Variants in FAM83G observed in about 807,000 individuals in gnomAD.
FAM83G encodes the protein protein FAM83G.
Under a neutral mutation model 61.5 loss-of-function variants are expected in FAM83G, and 38 were observed. The ratio of observed to expected loss-of-function variants is 0.62; its 90% CI spans 0.48 to 0.81. FAM83G has a LOEUF of 0.81. Among genes scored for constraint, FAM83G ranks in the 30% least tolerant of loss-of-function variants. The probability of loss-of-function intolerance (pLI) is 0.00; values close to 1 mark genes in which losing one functional copy is unlikely to be tolerated. For missense variants in FAM83G, 989 were observed against 1,133.6 expected, an observed-to-expected ratio of 0.87 and a Z score of 1.83; for synonymous variants, 470 against 476.1, an observed-to-expected ratio of 0.99 and a Z score of 0.17.
At chr17:18,993,433 AAG>A (rs1169566400) in intron 2 of FAM83G, among the ~76,000 whole-genome samples, 1 of 152,184 alleles carries the variant, frequency 6.6e-6, no homozygotes. Flanking sequence ...AGACTCGGGT[AAG>A]AGGGGACAGT....
intron 5 of FAM83G, among the ~76,000 whole-genome samples, chr17:18,974,915 C>T (rs2042942690): frequency 6.6e-6 from 1 of 152,070 alleles, no homozygotes; most frequent in African/African-American, 2.4e-5. Context: ...GAGTTGGGGG[C>T]CCAGCCTTGC....
intron 3 of FAM83G, chr17:18,986,196 T>C (rs2152127697): frequency 6.6e-6 from 1 of 152,332 alleles, no homozygotes; most frequent in Middle Eastern, 3.4e-3. Context: ...CCCCTGCCCA[T>C]AGTGGGATGG....
chr17:18,984,139 G>A (rs553003774), intron 3 of FAM83G, among the ~76,000 whole-genome samples: 14 of 152,052 alleles, frequency 9.2e-5, no homozygotes, highest in South Asian at 2.1e-4. Flanking sequence ...TCAGCAGATC[G>A]AGACCATCCT....
At chr17:18,983,282 A>C (rs2043184538) in intron 3 of FAM83G, among the ~76,000 whole-genome samples, 1 of 152,200 alleles carries the variant, frequency 6.6e-6, no homozygotes. Context: ...CCCGTGAGGC[A>C]TCACTATGGC....
At chr17:18,988,852 T>C (rs370790537) in intron 2 of FAM83G, among the ~76,000 whole-genome samples, 47 of 152,332 alleles carry the variant, frequency 3.1e-4, no homozygotes, top group African/African-American at 1.1e-3. Flanking sequence ...TCTGTCCCCA[T>C]AGCAGGTGAC....
At chr17:18,983,403 A>G (rs932334311) in intron 3 of FAM83G, among the ~76,000 whole-genome samples, 1 of 152,222 alleles carries the variant, frequency 6.6e-6, no homozygotes, top group African/African-American at 2.4e-5. Context: ...CTGGCAGGTT[A>G]GCTTTGGTTT....
chr17:18,984,332 C>CAAAA (rs1176935676), intron 3 of FAM83G, among the ~76,000 whole-genome samples: 64 of 67,878 alleles, frequency 9.4e-4, no homozygotes, highest in African/African-American at 2.8e-3. Flanking sequence ...GACTCCCTCT[C>CAAAA]AAAAAAAAAA....
At chr17:18,983,367 T>C (rs755246124) in intron 3 of FAM83G, among the ~76,000 whole-genome samples, 2 of 152,182 alleles carry the variant, frequency 1.3e-5, no homozygotes, top group African/African-American at 2.4e-5. Flanking sequence ...CAGTGAGCCA[T>C]GTAGGCAGCA....
In FAM83G at chr17:19,003,979, G is replaced by A. The variant is rs775851868; in HGVS notation, c.63C>T (p.Ser21=). The A allele has an allele frequency of 1.2e-5, 20 of 1,612,428 alleles. No homozygotes were observed. The East Asian group carries it at 3.3e-4, about 27-fold the overall frequency. The change falls in exon 2 of 6, where the codon TCC becomes TCT. Residue 21 remains serine, a synonymous_variant. Transcript: ENST00000388995. This position sits in a 1 kb window ranked among gnomAD's most constrained non-coding sequence, Gnocchi z 4.5. The part of the protein sequence containing the change: ...DNHVNWRSSE[S]KPEFFYSEEQ... ...CCTCGCTGTAGAAGAACTCAGGCTT[G>A]GACTCGCTGGAGCGCCAGTTCACAT...
At chr17:19,005,563 T>A (rs1435896740), upstream of FAM83G, among the ~76,000 whole-genome samples, 1 of 151,984 alleles carries the variant, frequency 6.6e-6, no homozygotes, top group Non-Finnish European at 1.5e-5. Flanking sequence ...CCATACTTGC[T>A]CTGGATCTGG....
intron 2 of FAM83G, among the ~76,000 whole-genome samples, chr17:18,992,017 T>G (rs1567800262): frequency 6.6e-6 from 1 of 152,106 alleles, no homozygotes; most frequent in Non-Finnish European, 1.5e-5. Flanking sequence ...AGCAGGGATG[T>G]GGGCACTCCT....
rs569317673 is a variant in FAM83G, at chr17:18,971,923, C to G, written c.2083-175G>C. Among the ~76,000 whole-genome samples the G allele has an allele frequency of 2.0e-5, 3 of 152,338 alleles. No homozygotes were observed. Among genetic ancestry groups the G allele is most frequent in the Admixed American group, 1.3e-4 (2 of 15,308 alleles). ...TTAGTCACTCGATGCCTCAGTTCCC[C>G]TGTCTGTAATATGGGAATAATCCTG... On this transcript the variant is annotated intron_variant, in intron 5 of 5. Transcript: ENST00000388995. The surrounding 1 kb of genome is among the most constrained non-coding windows in gnomAD (Gnocchi z 5.5).
intron 3 of FAM83G, chr17:18,986,296 A>C (rs1294802441): frequency 6.6e-6 from 1 of 152,242 alleles, no homozygotes; most frequent in Non-Finnish European, 1.5e-5. Flanking sequence ...AAAAAGGATA[A>C]GAGAAATTAA....
chr17:18,993,315 C>A (rs1032681626), intron 2 of FAM83G, among the ~76,000 whole-genome samples: 5 of 152,224 alleles, frequency 3.3e-5, no homozygotes, highest in African/African-American at 1.2e-4. Flanking sequence ...AACTCCAGTG[C>A]AGCCCCAGCC....
chr17:18,994,359 G>A (rs2472712), intron 2 of FAM83G, among the ~76,000 whole-genome samples: 65,787 of 151,972 alleles, frequency 0.43, 15,539 homozygotes, highest in Middle Eastern at 0.55. Flanking sequence ...GAGTCTTGTG[G>A]TCTCCCTGAG....
chr17:18,989,941 G>C (rs1449991416), intron 2 of FAM83G, among the ~76,000 whole-genome samples: 20 of 152,246 alleles, frequency 1.3e-4, no homozygotes, highest in Non-Finnish European at 5.9e-5. Flanking sequence ...GCCTGGGAGA[G>C]AGTGGTCCCC....
intron 2 of FAM83G, among the ~76,000 whole-genome samples, chr17:18,990,946 C>T (rs964149464): frequency 1.3e-5 from 2 of 152,178 alleles, no homozygotes; most frequent in Non-Finnish European, 2.9e-5. Context: ...AACCCAGGGC[C>T]CTGTCCCACC....
chr17:19,001,560 G>A (rs1017740002), intron 2 of FAM83G, among the ~76,000 whole-genome samples: 3 of 152,230 alleles, frequency 2.0e-5, no homozygotes, highest in Admixed American at 1.3e-4. Context: ...GCTTCTTCCT[G>A]GCTATGTCAC....
chr17:18,982,461 G>A (rs1221711177), intron 3 of FAM83G, among the ~76,000 whole-genome samples: 1 of 152,250 alleles, frequency 6.6e-6, no homozygotes, highest in Non-Finnish European at 1.5e-5. Context: ...CCCCGGCACA[G>A]GACAGCAGAT....
Sources: gnomAD v4.1 joint callset for allele counts (sites outside exome capture counted in the v4.1 genomes callset) on GRCh38, gnomAD v4.1.1 for gene constraint, Gnocchi (gnomAD v3.1) non-coding constraint, MANE v1.5 for transcripts, NCBI Gene and HGNC (gene_info 2026-07-23, HGNC 2026-07-21) for gene names.